NRXN3: variants seen among roughly 807,000 people sequenced by gnomAD.
NRXN3 encodes neurexin 3.
Under a neutral mutation model 137.6 loss-of-function variants are expected in NRXN3, and 32 were observed. The ratio of observed to expected loss-of-function variants is 0.23; its 90% confidence interval spans 0.18 to 0.31. The LOEUF is 0.31. NRXN3 is among the 10% of genes least tolerant of loss of function. NRXN3 has a pLI of 1.00. For missense variants in NRXN3, 1,574 were observed against 2,062.5 expected, an observed-to-expected ratio of 0.76 and a Z score of 4.59; for synonymous variants, 798 against 784.5, an observed-to-expected ratio of 1.02 and a Z score of -0.29.
chr14:78,219,488 A>G (rs1238995677), intron 1 of NRXN3, among the ~76,000 whole-genome samples: 4 of 152,168 alleles, frequency 2.6e-5, no homozygotes, highest in Non-Finnish European at 5.9e-5. Context: ...AGTGGAAAGC[A>G]CCCTGATCCA....
chr14:79,543,348 A>G (rs2097291388), intron 16 of NRXN3, among the ~76,000 whole-genome samples: 1 of 152,208 alleles, frequency 6.6e-6, no homozygotes, highest in Admixed American at 6.5e-5. Flanking sequence ...AGTGTCTTCT[A>G]CCATTGAGAT....
At chr14:78,874,507 C>T (rs964749721) in intron 10 of NRXN3, among the ~76,000 whole-genome samples, 7 of 152,076 alleles carry the variant, frequency 4.6e-5, no homozygotes, top group South Asian at 2.1e-4. Flanking sequence ...CCATTTGCTA[C>T]CCACCACTTC....
At chr14:79,620,613 G>T (rs1453843271) in intron 16 of NRXN3, among the ~76,000 whole-genome samples, 1 of 152,128 alleles carries the variant, frequency 6.6e-6, no homozygotes. Context: ...ATGCCTGAAT[G>T]AATGGAAAAC....
intron 19 of NRXN3, among the ~76,000 whole-genome samples, chr14:79,783,433 T>C (rs1238306834): frequency 6.6e-6 from 1 of 152,064 alleles, no homozygotes; most frequent in Admixed American, 6.6e-5. Flanking sequence ...TACAATGGAG[T>C]CTGTTTTCAG....
Position 78,383,835 on chromosome 14 carries a change from A to G in NRXN3, c.757+85975A>G, listed in dbSNP as rs1013224886. 5.9e-5 allele frequency among the ~76,000 whole-genome samples: 9 copies of G among 152,272 alleles called. No homozygotes were observed. The East Asian group carries it at 9.7e-4, about 16-fold the overall frequency. On this transcript the variant is annotated intron_variant, in intron 4 of 20. Coordinates refer to ENST00000335750, the MANE Select transcript of NRXN3 (RefSeq NM_001330195.2). ...AAGTGTTAATCCTTGCCTTTGCCCA[A>G]TTTCCCACCTAGGAGAATTTTTGTA...
intron 6 of NRXN3, among the ~76,000 whole-genome samples, chr14:78,664,003 C>T (rs1021389462): frequency 5.9e-5 from 9 of 152,168 alleles, no homozygotes; most frequent in African/African-American, 2.2e-4. Context: ...TGTTCTGTTC[C>T]TCATGTGGAG....
intron 1 of NRXN3, among the ~76,000 whole-genome samples, chr14:78,226,206 C>T (rs780424224): frequency 2.0e-5 from 3 of 152,070 alleles, no homozygotes; most frequent in Non-Finnish European, 4.4e-5. Context: ...GGTTTTACCA[C>T]GTTAGCCAGG....
chr14:78,639,394 C>T (rs72683571), intron 4 of NRXN3, among the ~76,000 whole-genome samples: 2,552 of 152,310 alleles, frequency 0.017, 24 homozygotes, highest in Non-Finnish European at 0.026. Flanking sequence ...AGCAGGTGTT[C>T]TTCACAGGAC....
At chr14:79,196,612 T>C (rs2065161923) in intron 15 of NRXN3, among the ~76,000 whole-genome samples, 1 of 151,998 alleles carries the variant, frequency 6.6e-6, no homozygotes, top group South Asian at 2.1e-4. Context: ...CTCTGTAGAA[T>C]GTTGCCCTTA....
At chr14:79,002,133 T>A (rs1383426033) in intron 15 of NRXN3, among the ~76,000 whole-genome samples, 2 of 152,136 alleles carry the variant, frequency 1.3e-5, no homozygotes, top group Non-Finnish European at 2.9e-5. Context: ...GTTACTGGGA[T>A]TAGACTATTC....
intron 4 of NRXN3, among the ~76,000 whole-genome samples, chr14:78,372,893 A>G (rs532385694): frequency 2.6e-5 from 4 of 152,360 alleles, no homozygotes; most frequent in East Asian, 1.9e-4. Context: ...AAGGCAATGT[A>G]TCATAACACG....
chr14:79,446,920 G>A (rs2096072045), intron 15 of NRXN3, among the ~76,000 whole-genome samples: 1 of 152,314 alleles, frequency 6.6e-6, no homozygotes, highest in African/African-American at 2.4e-5. Context: ...TAGACATTAT[G>A]TTGTGCAGGA....
chr14:79,728,365 T>G (rs762352797), intron 19 of NRXN3, among the ~76,000 whole-genome samples: 12 of 152,136 alleles, frequency 7.9e-5, no homozygotes, highest in Non-Finnish European at 1.2e-4. Context: ...GAAGTCCCAG[T>G]TGACAGGGAC....
chr14:78,335,543 A>G (rs1421545533), intron 4 of NRXN3, among the ~76,000 whole-genome samples: 1 of 152,234 alleles, frequency 6.6e-6, no homozygotes, highest in Non-Finnish European at 1.5e-5. Flanking sequence ...TGTATAATAT[A>G]TTAATTACTA....
chr14:79,250,846 A>G (rs946881628), intron 15 of NRXN3, among the ~76,000 whole-genome samples: 4 of 152,216 alleles, frequency 2.6e-5, no homozygotes, highest in Non-Finnish European at 2.9e-5. Flanking sequence ...TTGAAATTTG[A>G]ATATCTGATA....
At chr14:78,536,737 C>T (rs1341057350) in intron 4 of NRXN3, among the ~76,000 whole-genome samples, 1 of 151,892 alleles carries the variant, frequency 6.6e-6, no homozygotes, top group African/African-American at 2.4e-5. Context: ...AGGTATTTCT[C>T]TTAATGCTAT....
intron 15 of NRXN3, among the ~76,000 whole-genome samples, chr14:79,444,496 C>T (rs1028076462): frequency 5.3e-5 from 8 of 152,184 alleles, no homozygotes; most frequent in Non-Finnish European, 7.3e-5. Flanking sequence ...AGAAGGAAGC[C>T]ACTACCGTCC....
chr14:78,640,381 C>T (rs1044288530), intron 4 of NRXN3, among the ~76,000 whole-genome samples: 1 of 152,154 alleles, frequency 6.6e-6, no homozygotes, highest in African/African-American at 2.4e-5. Context: ...TATAGAAGTT[C>T]AAATTTTTTG....
chr14:78,423,132 ACT>A (rs1039419625), intron 4 of NRXN3, among the ~76,000 whole-genome samples: 27 of 152,078 alleles, frequency 1.8e-4, no homozygotes, highest in African/African-American at 6.3e-4. Context: ...AGCATTTCCA[ACT>A]GGAAATGTGA....
Sources: gnomAD v4.1 joint callset for allele counts (sites outside exome capture counted in the v4.1 genomes callset) on GRCh38, gnomAD v4.1.1 for gene constraint, MANE v1.5 for transcripts, NCBI Gene and HGNC (gene_info 2026-07-23, HGNC 2026-07-21) for gene names.